Variants in SLC25A21 observed in about 807,000 individuals in gnomAD.
SLC25A21 encodes the protein solute carrier family 25 member 21.
A neutral mutation model predicts 43.8 loss-of-function variants in SLC25A21; 47 were observed. The ratio of observed to expected loss-of-function variants is 1.07; its 90% CI spans 0.85 to 1.37. The LOEUF is 1.37. Ranked by LOEUF, SLC25A21 falls within the 40% of genes most tolerant of loss-of-function variation. The probability of loss-of-function intolerance (pLI) is 0.00; values close to 1 mark genes in which losing one functional copy is unlikely to be tolerated. For synonymous variants in SLC25A21, 131 were observed against 121.3 expected, an observed-to-expected ratio of 1.08 and a Z score of -0.52; for missense variants, 352 against 350.2, an observed-to-expected ratio of 1.00 and a Z score of -0.04.
chr14:36,715,990 C>T (rs1463079622), intron 6 of SLC25A21, among the ~76,000 whole-genome samples: 1 of 152,046 alleles, frequency 6.6e-6, no homozygotes, highest in Non-Finnish European at 1.5e-5. Context: ...ACTTGGGAGG[C>T]TGAGGCAGAA....
chr14:36,680,527 A>AAAAT lies in SLC25A21; in HGVS notation c.*127_*130dup, dbSNP rs1882187982. 1 of 1,359,096 alleles carries AAAAT rather than the reference A, an allele frequency of 7.4e-7. No individual in the cohort carries two copies. The highest frequency in any genetic ancestry group is 2.9e-5 in the Admixed American group (1 of 34,444). 84.2% of individuals were successfully genotyped at this position (1,359,096 alleles called of 1,614,324 possible). Reference sequence around the variant, plus strand: ...GCCTATAGACATTTTTTAAAGTATTAAAATAGATTTTGTTCTTGAACAGTT... The same window carrying AAAAT: ...GCCTATAGACATTTTTTAAAGTATTAAAATAAATAGATTTTGTTCTTGAACAGTT... On this transcript the variant is annotated 3_prime_UTR_variant, in exon 10 of 10. Transcript: ENST00000331299.
chr14:36,976,967 A>C (rs1034537409), intron 1 of SLC25A21, among the ~76,000 whole-genome samples: 16 of 152,178 alleles, frequency 1.1e-4, no homozygotes, highest in African/African-American at 3.9e-4. Context: ...GCCCGAACAC[A>C]GGTGTACTCA....
rs546048570 is a variant in SLC25A21, at chr14:37,032,427, T to C, written c.70+139854A>G. ...GGCGTGTGCCTGTAGTCCCAGCTAC[T>C]CGGGAGGCTGAGGCAGGAGAATGGC... On this transcript the variant is annotated intron_variant, in intron 1 of 9. Coordinates refer to ENST00000331299, the MANE Select transcript of SLC25A21 (RefSeq NM_030631.4). Among the ~76,000 whole-genome samples the C allele has an allele frequency of 3.9e-5, 6 of 152,112 alleles. No homozygotes were observed. The South Asian group carries it at 1.0e-3, about 26-fold the overall frequency.
intron 2 of SLC25A21, among the ~76,000 whole-genome samples, chr14:36,819,445 G>T (rs1888556184): frequency 6.6e-6 from 1 of 151,704 alleles, no homozygotes; most frequent in African/African-American, 2.4e-5. Context: ...TGTCTTCATT[G>T]TGTGCTCAGT....
chr14:37,007,096 C>G (rs1346572292), intron 1 of SLC25A21, among the ~76,000 whole-genome samples: 1 of 152,226 alleles, frequency 6.6e-6, no homozygotes, highest in East Asian at 1.9e-4. Context: ...GATAGAGACA[C>G]AGCAAAACTT....
At chr14:36,714,563 G>A (rs1884040817) in intron 6 of SLC25A21, among the ~76,000 whole-genome samples, 8 of 152,220 alleles carry the variant, frequency 5.3e-5, no homozygotes. Flanking sequence ...GGCCATACGG[G>A]AAGAAAGGCT....
chr14:36,837,835 C>A (rs193075591), intron 2 of SLC25A21, among the ~76,000 whole-genome samples: 112 of 152,290 alleles, frequency 7.4e-4, no homozygotes, highest in South Asian at 1.2e-3. Flanking sequence ...CTGTCTTGCC[C>A]CTTTACTTTT....
chr14:36,904,208 A>T (rs143525258), intron 1 of SLC25A21, among the ~76,000 whole-genome samples: 11 of 152,336 alleles, frequency 7.2e-5, no homozygotes, highest in Non-Finnish European at 1.3e-4. Flanking sequence ...AGATTCAAAA[A>T]TTGACCACGC....
At chr14:37,154,553 A>G (rs1001529888) in intron 1 of SLC25A21, among the ~76,000 whole-genome samples, 1 of 152,204 alleles carries the variant, frequency 6.6e-6, no homozygotes, top group African/African-American at 2.4e-5. Flanking sequence ...AAATCCCAGT[A>G]TAATGCAAAA....
rs1397904925 is a variant in SLC25A21, at chr14:36,776,234, C to CTTTTTTTTTTTTTTTTTTTTTTT, written c.203+37683_203+37684insAAAAAAAAAAAAAAAAAAAAAAA. On this transcript the variant is annotated intron_variant, in intron 3 of 9. Transcript: ENST00000331299. ...CTTTCTTTTTTCTTTTTCTTTCTTT[C>CTTTTTTTTTTTTTTTTTTTTTTT]TTTCTTTTTTTTTTTTTTTTGAGAT... 2.5e-4 allele frequency among the ~76,000 whole-genome samples: 19 copies of CTTTTTTTTTTTTTTTTTTTTTTT among 75,754 alleles called. 3 individuals carry two copies. The highest frequency in any genetic ancestry group is 9.7e-4 in the African/African-American group (17 of 17,574). 49.7% of individuals were successfully genotyped at this position (75,754 alleles called of 152,430 possible). A position where few individuals can be genotyped will look rare whatever the true frequency, so the allele number is the denominator to read the frequency against.
intron 3 of SLC25A21, among the ~76,000 whole-genome samples, chr14:36,740,994 CTT>C (rs909673008): frequency 6.6e-5 from 10 of 152,044 alleles, no homozygotes; most frequent in Admixed American, 5.9e-4. Context: ...AATCTGAAGA[CTT>C]TGTGGTAAAT....
At chr14:36,854,458 C>T (rs1391435378) in intron 2 of SLC25A21, among the ~76,000 whole-genome samples, 5 of 152,158 alleles carry the variant, frequency 3.3e-5, no homozygotes, top group Non-Finnish European at 7.4e-5. Flanking sequence ...TGGCTCTCTC[C>T]TTTCTCATTT....
intron 1 of SLC25A21, among the ~76,000 whole-genome samples, chr14:37,095,685 T>C (rs1367052189): frequency 1.3e-5 from 2 of 151,802 alleles, no homozygotes; most frequent in Non-Finnish European, 2.9e-5. Flanking sequence ...AACTCTGGAG[T>C]TTGAGACAAG....
intron 3 of SLC25A21, among the ~76,000 whole-genome samples, chr14:36,810,384 G>C (rs1888197515): frequency 1.3e-5 from 2 of 152,160 alleles, no homozygotes. Context: ...ATCTGTTACA[G>C]CTTACAGATC....
chr14:36,728,851 A>C (rs1437087529), intron 5 of SLC25A21, among the ~76,000 whole-genome samples: 1 of 152,228 alleles, frequency 6.6e-6, no homozygotes, highest in African/African-American at 2.4e-5. Context: ...TTGCTCTCTC[A>C]GGGGCTCTTG....
chr14:37,103,032 TAATA>T (rs1324815918), intron 1 of SLC25A21, among the ~76,000 whole-genome samples: 1 of 151,808 alleles, frequency 6.6e-6, no homozygotes, highest in African/African-American at 2.4e-5. Flanking sequence ...TACTGTTTAA[TAATA>T]AATATCGTAT....
chr14:36,989,926 C>A (rs1960228103), intron 1 of SLC25A21, among the ~76,000 whole-genome samples: 1 of 152,050 alleles, frequency 6.6e-6, no homozygotes, highest in Non-Finnish European at 1.5e-5. Context: ...GAAAGAGAGA[C>A]CAAGAAAAAA....
chr14:36,794,444 A>C (rs903839033), intron 3 of SLC25A21, among the ~76,000 whole-genome samples: 1 of 152,150 alleles, frequency 6.6e-6, no homozygotes, highest in Non-Finnish European at 1.5e-5. Flanking sequence ...CAAACATTTT[A>C]TTGTACAGCT....
At chr14:37,106,094 T>C (rs1455511230) in intron 1 of SLC25A21, among the ~76,000 whole-genome samples, 4 of 152,156 alleles carry the variant, frequency 2.6e-5, no homozygotes, top group African/African-American at 7.2e-5. Flanking sequence ...TCAGGACCAC[T>C]GTGATAATTG....
Sources: gnomAD v4.1 joint callset for allele counts (sites outside exome capture counted in the v4.1 genomes callset) on GRCh38, gnomAD v4.1.1 for gene constraint, MANE v1.5 for transcripts, NCBI Gene and HGNC (gene_info 2026-07-23, HGNC 2026-07-21) for gene names.